The following OTOGL variants were observed in gnomAD, a reference collection of about 807,000 sequenced individuals.
OTOGL encodes otogelin like, also known as otogelin-like protein.
Under a neutral mutation model 318.5 loss-of-function variants are expected in OTOGL, and 285 were observed. That is an observed-to-expected ratio of 0.89 (90% CI 0.81 to 0.99). OTOGL has a LOEUF of 0.99. Among genes scored for constraint, OTOGL ranks in the 50% least tolerant of loss-of-function variants. The pLI, the probability that OTOGL is intolerant of heterozygous loss-of-function variation, is 0.00. For synonymous variants in OTOGL, 987 were observed against 936.5 expected, an observed-to-expected ratio of 1.05 and a Z score of -0.99; for missense variants, 2,899 against 2,845.6, an observed-to-expected ratio of 1.02 and a Z score of -0.43.
intron 9 of OTOGL, among the ~76,000 whole-genome samples, chr12:80,236,889 A>G (rs2137423837): frequency 7.0e-6 from 1 of 142,300 alleles, no homozygotes; most frequent in African/African-American, 2.6e-5. Context: ...ATCTTGGCTC[A>G]CTGTAACCTC....
chr12:80,320,846 C>A (rs2137834167), intron 34 of OTOGL, 146 bp downstream of exon 34: 1 of 733,246 alleles, frequency 1.4e-6, no homozygotes, highest in East Asian at 2.8e-5. Flanking sequence ...ACCTCTATAC[C>A]CCTCTATATC....
intron 52 of OTOGL, among the ~76,000 whole-genome samples, chr12:80,363,835 A>G (rs1348609609): frequency 6.6e-6 from 1 of 152,134 alleles, no homozygotes; most frequent in Non-Finnish European, 1.5e-5. Flanking sequence ...TGTGTTCTAG[A>G]TGCTTTGAAG....
intron 8 of OTOGL, among the ~76,000 whole-genome samples, chr12:80,230,585 T>C (rs949391513): frequency 1.3e-5 from 2 of 152,192 alleles, no homozygotes; most frequent in Admixed American, 1.3e-4. Flanking sequence ...AGAAACATAA[T>C]ATTTAATTTT....
At chr12:80,369,032 G>T (rs559810096) in intron 55 of OTOGL, among the ~76,000 whole-genome samples, 6 of 151,650 alleles carry the variant, frequency 4.0e-5, no homozygotes, top group African/African-American at 1.2e-4. Context: ...ATATATATAT[G>T]TATAATACAC....
At chr12:80,288,343 T>G (rs1884787898) in intron 26 of OTOGL, among the ~76,000 whole-genome samples, 1 of 152,154 alleles carries the variant, frequency 6.6e-6, no homozygotes, top group Non-Finnish European at 1.5e-5. Context: ...TTTTCTTTCA[T>G]TTCAACCTTG....
chr12:80,292,754 A>G (rs538360205), intron 26 of OTOGL, among the ~76,000 whole-genome samples: 3 of 152,348 alleles, frequency 2.0e-5, no homozygotes, highest in East Asian at 3.9e-4. Flanking sequence ...GATAACATAG[A>G]TTAAGACATA....
intron 18 of OTOGL, among the ~76,000 whole-genome samples, chr12:80,260,345 G>A (rs1565937247): frequency 6.6e-6 from 1 of 152,026 alleles, no homozygotes; most frequent in Non-Finnish European, 1.5e-5. Flanking sequence ...AAGTGGCTTG[G>A]CTATGATGTT....
At chr12:80,111,050 T>A (rs1379267604) in intron 1 of OTOGL, among the ~76,000 whole-genome samples, 5 of 152,270 alleles carry the variant, frequency 3.3e-5, no homozygotes, top group African/African-American at 1.2e-4. Flanking sequence ...GCTGCATAAA[T>A]GTGTGCTTTT....
At chr12:80,353,896 G>A (rs890020445) in intron 46 of OTOGL, among the ~76,000 whole-genome samples, 1 of 152,114 alleles carries the variant, frequency 6.6e-6, no homozygotes, top group Non-Finnish European at 1.5e-5. Flanking sequence ...GTTAGTGTGG[G>A]GCTACATAAT....
intron 21 of OTOGL, among the ~76,000 whole-genome samples, chr12:80,266,907 C>T (rs1243909181): frequency 6.6e-6 from 1 of 152,212 alleles, no homozygotes; most frequent in East Asian, 1.9e-4. Flanking sequence ...TATCTCAGCA[C>T]TCACAAATTT....
intron 43 of OTOGL, among the ~76,000 whole-genome samples, chr12:80,341,142 A>C (rs1474216857): frequency 6.6e-6 from 1 of 152,080 alleles, no homozygotes; most frequent in Non-Finnish European, 1.5e-5. Context: ...GATTTGGGTA[A>C]GGTATGATTG....
chr12:80,368,693 A>AT (rs1890701360), intron 55 of OTOGL, among the ~76,000 whole-genome samples: 1 of 152,096 alleles, frequency 6.6e-6, no homozygotes, highest in African/African-American at 2.4e-5. Flanking sequence ...ATCTTTTCTA[A>AT]TTGAGGTTCA....
chr12:80,106,403 C>A (rs147916137), intron 1 of OTOGL, among the ~76,000 whole-genome samples: 205 of 152,280 alleles, frequency 1.3e-3, no homozygotes, highest in African/African-American at 4.7e-3. Context: ...AATGGTTTGA[C>A]AATCACCTGT....
chr12:80,192,876 C>A (rs746143420), intron 1 of OTOGL, among the ~76,000 whole-genome samples: 1 of 151,716 alleles, frequency 6.6e-6, no homozygotes, highest in African/African-American at 2.4e-5. Context: ...ATAGTATGTA[C>A]CCAAATATTT....
In OTOGL at chr12:80,103,150, A is replaced by G. The variant is rs114934873; in HGVS notation, c.-20+3545A>G. On this transcript the variant is annotated intron_variant, in intron 1 of 58. Transcript: ENST00000547103. ...ACTTTGCCAATTTGCTGACCTTCGT[A>G]GTGTCCTCGTACAACCTGAACTTCA... 6.4e-3 allele frequency: 7,590 copies of G among 1,181,876 alleles called. 330 individuals carry two copies. In the African/African-American group the frequency reaches 0.099, roughly 15 times the overall value. The allele number at this position is 1,181,876 out of a possible 1,614,324, so 73.2% of individuals were successfully genotyped here. A position where few individuals can be genotyped will look rare whatever the true frequency, so the allele number is the denominator to read the frequency against.
rs1202965102 is a variant in OTOGL, at chr12:80,313,652, C to T, written c.3607+20C>T. ...TTTGTTGTAAGTACCCTACTTAGAA[C>T]ATCATTATGTAGAGAACTGATAAAG... On this transcript the variant is annotated intron_variant, in intron 31 of 58. Transcript: ENST00000547103. The T allele has an allele frequency of 6.3e-7, 1 of 1,587,168 alleles. No individual in the cohort carries two copies. Among genetic ancestry groups the T allele is most frequent in the Non-Finnish European group, 8.6e-7 (1 of 1,159,888 alleles).
intron 1 of OTOGL, among the ~76,000 whole-genome samples, chr12:80,142,274 G>C (rs1403414473): frequency 6.6e-6 from 1 of 152,098 alleles, no homozygotes. Flanking sequence ...ATCCCAATTT[G>C]GATTAGCTAA....
intron 1 of OTOGL, among the ~76,000 whole-genome samples, chr12:80,143,239 T>A (rs1872072372): frequency 6.6e-6 from 1 of 152,202 alleles, no homozygotes; most frequent in East Asian, 1.9e-4. Flanking sequence ...TGTTACATAA[T>A]AACATAAAGT....
chr12:80,301,482 C>T (rs936860821), intron 27 of OTOGL, among the ~76,000 whole-genome samples: 1 of 152,118 alleles, frequency 6.6e-6, no homozygotes, highest in African/African-American at 2.4e-5. Flanking sequence ...GCAAACGTCT[C>T]AGGCTATGAT....
Sources: gnomAD v4.1 joint callset for allele counts (sites outside exome capture counted in the v4.1 genomes callset) on GRCh38, gnomAD v4.1.1 for gene constraint, MANE v1.5 for transcripts, NCBI Gene and HGNC (gene_info 2026-07-23, HGNC 2026-07-21) for gene names.